The following TCF12 variants were observed in gnomAD, a reference collection of about 807,000 sequenced individuals.
TCF12 encodes DNA-binding protein HTF4.
A neutral mutation model predicts 86.0 loss-of-function variants in TCF12; 45 were observed. The observed-to-expected ratio is 0.52, with a 90% CI of 0.41 to 0.67. The LOEUF is 0.67. TCF12 is among the 30% of genes least tolerant of loss of function. The probability of loss-of-function intolerance (pLI) is 0.00; values close to 1 mark genes in which losing one functional copy is unlikely to be tolerated. For missense variants in TCF12, 881 were observed against 859.9 expected (o/e 1.02, Z -0.31); for synonymous variants, 330 against 299.6 (o/e 1.10, Z -1.05).
intron 8 of TCF12, among the ~76,000 whole-genome samples, chr15:57,207,757 T>G (rs949436322): frequency 1.3e-5 from 2 of 152,180 alleles, no homozygotes; most frequent in African/African-American, 2.4e-5. Context: ...TTTTTTAAAC[T>G]GTCAAACTCA....
intron 3 of TCF12, among the ~76,000 whole-genome samples, chr15:57,047,619 C>G (rs1397237792): frequency 1.3e-5 from 2 of 152,156 alleles, no homozygotes; most frequent in Non-Finnish European, 2.9e-5. Context: ...ATTTTTCACC[C>G]TTCTTCTCTA....
intron 5 of TCF12, among the ~76,000 whole-genome samples, chr15:57,114,549 G>C (rs2050713991): frequency 6.6e-6 from 1 of 152,096 alleles, no homozygotes; most frequent in Non-Finnish European, 1.5e-5. Flanking sequence ...CCTTCCACTT[G>C]GGCCTCTGAA....
chr15:57,102,047 A>AGTAGCT (rs1193566979), intron 5 of TCF12, among the ~76,000 whole-genome samples: 7 of 149,618 alleles, frequency 4.7e-5, no homozygotes, highest in Non-Finnish European at 8.9e-5. Context: ...TAGCTACTTA[A>AGTAGCT]ACATGTAGGT....
At chr15:57,053,320 G>C (rs1471039977) in intron 3 of TCF12, among the ~76,000 whole-genome samples, 1 of 152,000 alleles carries the variant, frequency 6.6e-6, no homozygotes, top group African/African-American at 2.4e-5. Flanking sequence ...GGCTTATTTG[G>C]GTTTTTCTGC....
intron 5 of TCF12, among the ~76,000 whole-genome samples, chr15:57,122,905 A>G (rs1426140126): frequency 6.6e-6 from 1 of 152,248 alleles, no homozygotes; most frequent in Non-Finnish European, 1.5e-5. Context: ...TTCTTTCTAC[A>G]TAAAATAGAT....
intron 3 of TCF12, among the ~76,000 whole-genome samples, chr15:57,038,480 G>A (rs1316821776): frequency 6.7e-6 from 1 of 149,712 alleles, no homozygotes; most frequent in Non-Finnish European, 1.5e-5. Flanking sequence ...GAGGGAGGGA[G>A]GGAAAGAAAA....
intron 4 of TCF12, among the ~76,000 whole-genome samples, chr15:57,080,077 C>T (rs2070493066): frequency 6.6e-6 from 1 of 152,074 alleles, no homozygotes; most frequent in Non-Finnish European, 1.5e-5. Flanking sequence ...TATTCCACTT[C>T]CAAGAAAAAC....
intron 3 of TCF12, among the ~76,000 whole-genome samples, chr15:57,049,936 A>G (rs1199162383): frequency 6.6e-6 from 1 of 152,120 alleles, no homozygotes; most frequent in Non-Finnish European, 1.5e-5. Context: ...TATTAATCAA[A>G]TATTTTTTGT....
chr15:57,052,577 C>T (rs1349737932), intron 3 of TCF12, among the ~76,000 whole-genome samples: 1 of 148,974 alleles, frequency 6.7e-6, no homozygotes, highest in Non-Finnish European at 1.5e-5. Flanking sequence ...GCAGAGGTTG[C>T]AGTGAGCCGA....
chr15:57,232,667 T>C (rs2059192115), intron 10 of TCF12, 45 bp from the exon 11 acceptor site: 8 of 1,574,918 alleles, frequency 5.1e-6, no homozygotes, highest in Middle Eastern at 1.7e-4. Context: ...TATGTGAATA[T>C]TATTCAGAAA....
intron 8 of TCF12, among the ~76,000 whole-genome samples, chr15:57,207,840 G>A (rs139394346): frequency 6.6e-6 from 1 of 151,830 alleles, no homozygotes; most frequent in African/African-American, 2.4e-5. Flanking sequence ...TCAAAAATCA[G>A]TAACTTAAAT....
At chr15:56,998,556 T>C (rs2063838411) in intron 3 of TCF12, among the ~76,000 whole-genome samples, 1 of 152,012 alleles carries the variant, frequency 6.6e-6, no homozygotes. Context: ...AGAATATACA[T>C]TCTTTCCAAG....
chr15:56,951,803 G>A (rs1323471770), intron 3 of TCF12, among the ~76,000 whole-genome samples: 2 of 152,046 alleles, frequency 1.3e-5, no homozygotes, highest in African/African-American at 4.8e-5. Flanking sequence ...GAATGAGCCT[G>A]GCTAATTTTT....
intron 3 of TCF12, among the ~76,000 whole-genome samples, chr15:57,033,678 C>T (rs1378279958): frequency 1.3e-5 from 2 of 152,066 alleles, no homozygotes; most frequent in Non-Finnish European, 2.9e-5. Context: ...TAGGTTCTTA[C>T]TTATTTTTCT....
In TCF12 at chr15:57,286,590, G is replaced by T. The variant is rs1401397881; in HGVS notation, c.*445G>T. Reference sequence around the variant, plus strand: ...GAAAGCTGATCTACACTCAGCTGATGCCAGCATACATTAAAGCGGTTCACG... The same window carrying T: ...GAAAGCTGATCTACACTCAGCTGATTCCAGCATACATTAAAGCGGTTCACG... On this transcript the variant is annotated 3_prime_UTR_variant, in exon 21 of 21. Transcript: ENST00000333725. The T allele has an allele frequency of 2.2e-6, 1 of 456,420 alleles. No individual in the cohort carries two copies. The highest frequency in any genetic ancestry group is 2.4e-5 in the Admixed American group (1 of 42,492). The allele number at this position is 456,420 out of a possible 1,614,324, so 28.3% of individuals were successfully genotyped here.
chr15:56,922,764 T>C (rs1430004374), intron 3 of TCF12, among the ~76,000 whole-genome samples: 1 of 151,994 alleles, frequency 6.6e-6, no homozygotes, highest in Admixed American at 6.5e-5. Context: ...GCTGTGACTT[T>C]TAATTAGTGA....
chr15:57,273,717 C>T (rs2061253773), intron 19 of TCF12, among the ~76,000 whole-genome samples: 1 of 152,098 alleles, frequency 6.6e-6, no homozygotes, highest in African/African-American at 2.4e-5. Flanking sequence ...ATCCCTTCTG[C>T]CTTTGCCAGA....
intron 3 of TCF12, among the ~76,000 whole-genome samples, chr15:57,054,639 G>T (rs1284708344): frequency 1.3e-5 from 2 of 152,138 alleles, no homozygotes; most frequent in Non-Finnish European, 2.9e-5. Context: ...TTATTGTATG[G>T]TTGGATTTAG....
chr15:57,170,610 C>T (rs1388847511), intron 6 of TCF12, among the ~76,000 whole-genome samples: 10 of 122,144 alleles, frequency 8.2e-5, no homozygotes, highest in South Asian at 4.9e-4. Context: ...GGCATGCAGC[C>T]GCCATGCCCT....
Sources: gnomAD v4.1 joint callset for allele counts (sites outside exome capture counted in the v4.1 genomes callset) on GRCh38, gnomAD v4.1.1 for gene constraint, MANE v1.5 for transcripts, NCBI Gene and HGNC (gene_info 2026-07-23, HGNC 2026-07-21) for gene names.